The following GRIK4 variants were observed in gnomAD, a reference collection of about 807,000 sequenced individuals.
The protein encoded by GRIK4 is glutamate ionotropic receptor kainate type subunit 4, also known as glutamate receptor ionotropic, kainate 4.
A neutral mutation model predicts 104.9 loss-of-function variants in GRIK4; 40 were observed. The ratio of observed to expected loss-of-function variants is 0.38; its 90% confidence interval spans 0.30 to 0.50. The LOEUF (loss-of-function observed/expected upper bound fraction) is 0.50. Among genes scored for constraint, GRIK4 ranks in the 20% least tolerant of loss-of-function variants. The pLI, the probability that GRIK4 is intolerant of heterozygous loss-of-function variation, is 0.93. For synonymous variants in GRIK4, 485 were observed against 524.9 expected (o/e 0.92, Z 1.04); for missense variants, 1,047 against 1,308.1 (o/e 0.80, Z 3.08).
intron 8 of GRIK4, among the ~76,000 whole-genome samples, chr11:120,837,754 G>A (rs1219773546): frequency 6.6e-6 from 1 of 151,690 alleles, no homozygotes. Context: ...AAAAGGATTA[G>A]ACTACTCCCA....
intron 1 of GRIK4, among the ~76,000 whole-genome samples, chr11:120,587,218 G>C (rs556365742): frequency 6.6e-6 from 1 of 152,226 alleles, no homozygotes; most frequent in African/African-American, 2.4e-5. Context: ...GATATAAGGG[G>C]AACTGGAATG....
At chr11:120,854,316 A>G (rs989690631) in intron 8 of GRIK4, among the ~76,000 whole-genome samples, 2 of 152,220 alleles carry the variant, frequency 1.3e-5, no homozygotes, top group African/African-American at 4.8e-5. Context: ...CCCCACTGTT[A>G]AGGGGGTTAA....
chr11:120,954,804 C>T (rs1459215815), intron 15 of GRIK4, among the ~76,000 whole-genome samples: 2 of 54,584 alleles, frequency 3.7e-5, no homozygotes, highest in Non-Finnish European at 7.7e-5. Context: ...CACACACACA[C>T]ACACACACAC....
In GRIK4 at chr11:120,967,252, G is replaced by A. The variant is rs147994567; in HGVS notation, c.2324G>A (p.Arg775His). The A allele has an allele frequency of 6.2e-6, 10 of 1,613,634 alleles. No individual in the cohort carries two copies. The highest frequency in any genetic ancestry group is 2.7e-5 in the African/African-American group (2 of 74,898). ...ATTCTCCAGCTGCAGGAGAACAACC[G>A]CCTGGAGATCCTGAAGCGCAAATGG... ...LAILQLQENN[R>H]LEILKRKWWE... The change falls in exon 19 of 21, where the codon CGC becomes CAC. Residue 775 changes from arginine to histidine, a missense_variant. By Grantham distance (29) the Arg-to-His change is conservative. Transcript: ENST00000527524. The surrounding 1 kb of genome is among the most constrained non-coding windows in gnomAD (Gnocchi z 4.2).
In GRIK4 at chr11:120,905,166, C is replaced by G. The variant is rs1389874182; in HGVS notation, c.1273-124C>G. 2.2e-5 allele frequency: 16 copies of G among 737,952 alleles called. No individual in the cohort carries two copies. The highest frequency in any genetic ancestry group is 3.4e-5 in the Non-Finnish European group (14 of 409,026). 45.7% of individuals were successfully genotyped at this position (737,952 alleles called of 1,614,324 possible). On this transcript the variant is annotated intron_variant, in intron 12 of 20. Transcript: ENST00000527524. This position sits in a 1 kb window ranked among gnomAD's most constrained non-coding sequence, Gnocchi z 5.1. The stretch of plus-strand genomic sequence containing the variant: ...CATCACCCCAAAGTAGCCCATTACC[C>G]ACGTCAGTTTCCTCCTTCTGCCCCA...
rs966467643 is a variant in GRIK4, at chr11:120,833,553, G to A, written c.690+1523G>A. Among the ~76,000 whole-genome samples, 8 of 152,308 alleles carry A rather than the reference G, an allele frequency of 5.3e-5. No homozygotes were observed. In the East Asian group the frequency reaches 1.5e-3, roughly 29 times the overall value. ...ACAGGTTCCCCCTGTGGTAGCTGGA[G>A]CCTGCCTGAACAGCCCCCAGGTAGA... On this transcript the variant is annotated intron_variant, in intron 7 of 20. Transcript: ENST00000527524.
intron 3 of GRIK4, among the ~76,000 whole-genome samples, chr11:120,670,192 C>G (rs997446412): frequency 3.3e-5 from 5 of 152,232 alleles, no homozygotes; most frequent in Non-Finnish European, 7.3e-5. Flanking sequence ...AGGTGCTTCC[C>G]TTTTCCAAGC....
At chr11:120,575,373 T>G (rs1054011329) in intron 1 of GRIK4, among the ~76,000 whole-genome samples, 2 of 152,174 alleles carry the variant, frequency 1.3e-5, no homozygotes, top group African/African-American at 2.4e-5. Context: ...CCTTATTCAG[T>G]GGCTCTTCAT....
intron 3 of GRIK4, among the ~76,000 whole-genome samples, chr11:120,740,394 G>T (rs948286621): frequency 6.6e-6 from 1 of 152,166 alleles, no homozygotes; most frequent in African/African-American, 2.4e-5. Flanking sequence ...CCGCATGAGT[G>T]GCAGAGCCTT....
intron 1 of GRIK4, among the ~76,000 whole-genome samples, chr11:120,650,422 C>T (rs908818978): frequency 1.3e-5 from 2 of 152,188 alleles, no homozygotes; most frequent in African/African-American, 4.8e-5. Context: ...ACTCACTGTG[C>T]CATATCCCAT....
rs189784409 is a variant in GRIK4, at chr11:120,753,572, G to A, written c.83-49121G>A. Among the ~76,000 whole-genome samples the A allele has an allele frequency of 1.7e-3, 254 of 152,184 alleles. 5 individuals carry two copies. The highest frequency in any genetic ancestry group is 5.4e-4 in the Non-Finnish European group (37 of 68,002). ...CTGATGGTGTTGAATTTGAATGAGA[G>A]ACTACATACCCTATTTTCCTTTTTT... On this transcript the variant is annotated intron_variant, in intron 3 of 20. Transcript: ENST00000527524.
Position 120,987,591 on chromosome 11 carries a change from C to G in GRIK4, c.*1331C>G, listed in dbSNP as rs1323112279. 1 of 152,232 alleles carries G rather than the reference C, an allele frequency of 6.6e-6. No homozygotes were observed. The highest frequency in any genetic ancestry group is 1.5e-5 in the Non-Finnish European group (1 of 68,046). 9.4% of individuals were successfully genotyped at this position (152,232 alleles called of 1,614,324 possible). On this transcript the variant is annotated 3_prime_UTR_variant, in exon 21 of 21. Coordinates refer to ENST00000527524, the MANE Select transcript of GRIK4 (RefSeq NM_014619.5). ...GCCTGGGAACCAGGAACTCTTGAGTCGTAACCTCAGCTTGAGCAGTAGCCC... is the reference window on the plus strand; with the variant it reads ...GCCTGGGAACCAGGAACTCTTGAGTGGTAACCTCAGCTTGAGCAGTAGCCC...
intron 3 of GRIK4, among the ~76,000 whole-genome samples, chr11:120,684,194 A>G (rs552758920): frequency 6.6e-6 from 1 of 152,274 alleles, no homozygotes; most frequent in African/African-American, 2.4e-5. Context: ...GTAATGGTGC[A>G]TGCTTGTAGT....
chr11:120,813,886 AC>A, intron 4 of GRIK4, among the ~76,000 whole-genome samples: 1 of 152,138 alleles, frequency 6.6e-6, no homozygotes, highest in Non-Finnish European at 1.5e-5. Context: ...GCAGTGGGGA[AC>A]CTCGATTGCA....
chr11:120,869,568 T>G (rs1954536438), intron 9 of GRIK4: 1 of 152,274 alleles, frequency 6.6e-6, no homozygotes, highest in South Asian at 2.1e-4. Flanking sequence ...CATGTGCTAA[T>G]AAGAGAGCAT....
At chr11:120,579,690 A>G (rs1187803256) in intron 1 of GRIK4, among the ~76,000 whole-genome samples, 4 of 152,186 alleles carry the variant, frequency 2.6e-5, no homozygotes, top group Admixed American at 1.3e-4. Context: ...TGGACATAGT[A>G]TGGCCTTGGA....
At chr11:120,729,029 G>A (rs899784478) in intron 3 of GRIK4, among the ~76,000 whole-genome samples, 1 of 152,176 alleles carries the variant, frequency 6.6e-6, no homozygotes, top group East Asian at 1.9e-4. Context: ...GTCTTTCTGT[G>A]CCTGGTTTAT....
intron 3 of GRIK4, among the ~76,000 whole-genome samples, chr11:120,783,967 G>A (rs538726471): frequency 2.0e-5 from 3 of 152,244 alleles, no homozygotes; most frequent in African/African-American, 7.2e-5. Context: ...AGTGTGTTAC[G>A]GAGGTCCCAG....
In GRIK4 at chr11:120,967,876, T is replaced by G. The variant is rs1308643723; in HGVS notation, c.2395+553T>G. Among the ~76,000 whole-genome samples the G allele has an allele frequency of 2.6e-5, 4 of 152,082 alleles. No individual in the cohort carries two copies. The East Asian group carries it at 7.7e-4, about 29-fold the overall frequency. The stretch of plus-strand genomic sequence containing the variant: ...TGTGGCTCTTCCACCCCAGGGCCTG[T>G]GCACCTGTTCCCTCCTCCTGGCCTT... On this transcript the variant is annotated intron_variant, in intron 19 of 20. Transcript: ENST00000527524. The surrounding 1 kb of genome is among the most constrained non-coding windows in gnomAD (Gnocchi z 4.2).
Sources: gnomAD v4.1 joint callset for allele counts (sites outside exome capture counted in the v4.1 genomes callset) on GRCh38, gnomAD v4.1.1 for gene constraint, Gnocchi (gnomAD v3.1) non-coding constraint, MANE v1.5 for transcripts, NCBI Gene and HGNC (gene_info 2026-07-23, HGNC 2026-07-21) for gene names.